Variants in GSTA5 observed in about 807,000 individuals in gnomAD.
The protein encoded by GSTA5 is glutathione S-transferase alpha 5, also known as glutathione S-transferase A5.
GSTA5 carries 25 observed loss-of-function variants against 21.8 expected under a neutral mutation model. The ratio of observed to expected loss-of-function variants is 1.14; its 90% CI spans 0.83 to 1.60. The LOEUF is 1.60. Among genes scored for constraint, GSTA5 ranks in the 40% most tolerant of loss-of-function variants. GSTA5 has a pLI of 0.00. For missense variants in GSTA5, 330 were observed against 259.2 expected, an observed-to-expected ratio of 1.27 and a Z score of -1.88; for synonymous variants, 102 against 89.5, an observed-to-expected ratio of 1.14 and a Z score of -0.78.
chr6:52,834,600 T>C (rs1448738797), intron 3 of GSTA5, among the ~76,000 whole-genome samples: 1 of 152,206 alleles, frequency 6.6e-6, no homozygotes, highest in Non-Finnish European at 1.5e-5. Flanking sequence ...GTGGAATCAC[T>C]GCCAATACCC....
At chr6:52,844,074 G>A (rs576884937), upstream of GSTA5, among the ~76,000 whole-genome samples, 5 of 152,106 alleles carry the variant, frequency 3.3e-5, no homozygotes, top group East Asian at 1.9e-4. Context: ...TCTAGGGAGT[G>A]TGTCTACCTT....
chr6:52,840,174 A>G (rs1297320732), intron 1 of GSTA5, among the ~76,000 whole-genome samples: 1 of 152,248 alleles, frequency 6.6e-6, no homozygotes, highest in African/African-American at 2.4e-5. Flanking sequence ...ATAAAAATAA[A>G]CAGAAAAGCA....
chr6:52,839,658 C>T (rs1159104737), intron 1 of GSTA5, among the ~76,000 whole-genome samples: 1 of 152,214 alleles, frequency 6.6e-6, no homozygotes, highest in African/African-American at 2.4e-5. Context: ...GGGACAAGAT[C>T]TCCTGAGTTT....
chr6:52,832,086 A>C, intron 5 of GSTA5, 116 bp from the exon 6 acceptor site: 8 of 1,386,096 alleles, frequency 5.8e-6, no homozygotes, highest in Middle Eastern at 2.6e-4. Context: ...CTCCATGAGT[A>C]CCAGCATGGA....
At chr6:52,843,999 G>A (rs4715354), upstream of GSTA5, among the ~76,000 whole-genome samples, 62,107 of 146,544 alleles carry the variant, frequency 0.42, 14,975 homozygotes, top group East Asian at 0.71. Flanking sequence ...AACACAAAAT[G>A]AGAACCTGAG....
chr6:52,844,219 C>G (rs1764423394), upstream of GSTA5, among the ~76,000 whole-genome samples: 1 of 152,170 alleles, frequency 6.6e-6, no homozygotes, highest in Admixed American at 6.6e-5. Context: ...ATTGCAGGAC[C>G]AGAGCTTTTC....
At chr6:52,836,906 TC>T (rs1764301543) in intron 2 of GSTA5, among the ~76,000 whole-genome samples, 1 of 152,194 alleles carries the variant, frequency 6.6e-6, no homozygotes, top group East Asian at 1.9e-4. Context: ...TGTTTTTATT[TC>T]CCCTCCAGAT....
At chr6:52,835,330 G>A (rs1278853345) in intron 3 of GSTA5, among the ~76,000 whole-genome samples, 1 of 152,116 alleles carries the variant, frequency 6.6e-6, no homozygotes, top group Non-Finnish European at 1.5e-5. Flanking sequence ...TAACCATCTT[G>A]TAGCATGCAT....
At chr6:52,842,279 T>C (rs1476942017), upstream of GSTA5, among the ~76,000 whole-genome samples, 3 of 152,310 alleles carry the variant, frequency 2.0e-5, no homozygotes, top group East Asian at 5.8e-4. Flanking sequence ...TGCCAGGACT[T>C]AGGAACAGTT....
intron 5 of GSTA5, among the ~76,000 whole-genome samples, chr6:52,832,655 T>G (rs1282197883): frequency 1.3e-5 from 2 of 152,120 alleles, no homozygotes; most frequent in Non-Finnish European, 2.9e-5. Context: ...TCTTCATGGG[T>G]TAGCATGCAC....
At chr6:52,835,661 G>A (rs1764281908) in intron 3 of GSTA5, among the ~76,000 whole-genome samples, 1 of 152,196 alleles carries the variant, frequency 6.6e-6, no homozygotes, top group Non-Finnish European at 1.5e-5. Context: ...CCTTGGCTTT[G>A]TTGGTATTGA....
intron 3 of GSTA5, 84 bp downstream of exon 3, chr6:52,836,132 GCCTGCTGCTGGTCATGATGC>G: frequency 7.7e-7 from 1 of 1,302,422 alleles, no homozygotes; most frequent in Non-Finnish European, 1.1e-6. Context: ...TCAAGACCCA[GCCTGCTGCTGGTCATGATGC>G]CCTGCCATGG....
At chr6:52,836,533 A>G (rs886267331) in intron 2 of GSTA5, among the ~76,000 whole-genome samples, 165 bp from the exon 3 acceptor site, 15 of 152,176 alleles carry the variant, frequency 9.9e-5, no homozygotes, top group African/African-American at 3.6e-4. Context: ...GTTTTTTGAG[A>G]CAGAGTCTCA....
chr6:52,837,263 T>A (rs899559121), intron 2 of GSTA5, among the ~76,000 whole-genome samples: 6 of 152,168 alleles, frequency 3.9e-5, no homozygotes, highest in Admixed American at 3.9e-4. Context: ...TGGGATCCTG[T>A]GCTGATAACC....
upstream of GSTA5, among the ~76,000 whole-genome samples, chr6:52,841,426 C>T (rs1404359364): frequency 6.6e-6 from 1 of 152,206 alleles, no homozygotes; most frequent in Non-Finnish European, 1.5e-5. Context: ...GGAGGACCGG[C>T]AGGGAGCTAA....
intron 1 of GSTA5, among the ~76,000 whole-genome samples, chr6:52,838,505 A>C (rs971108824): frequency 6.6e-6 from 1 of 152,270 alleles, no homozygotes; most frequent in Non-Finnish European, 1.5e-5. Context: ...ATCTACATCC[A>C]GTAACTTAAA....
intron 2 of GSTA5, among the ~76,000 whole-genome samples, 192 bp from the exon 3 acceptor site, chr6:52,836,560 G>A (rs1764297486): frequency 1.3e-5 from 2 of 152,204 alleles, no homozygotes; most frequent in African/African-American, 4.8e-5. Flanking sequence ...CACCCAGGCT[G>A]GAGTGCAGTG....
In GSTA5 at chr6:52,837,553, C is replaced by T. The variant is rs1764310340; in HGVS notation, c.139+5G>A. Reference sequence around the variant, plus strand: ...TCATCAGAGTTACTTAGAGATTGATCTTACCATTTCTTAACTTGTCCAAAT... The same window carrying T: ...TCATCAGAGTTACTTAGAGATTGATTTTACCATTTCTTAACTTGTCCAAAT... On this transcript the variant is annotated splice_donor_5th_base_variant and intron_variant, in intron 2 of 5. Transcript: ENST00000370989. 3 of 1,590,576 alleles carry T rather than the reference C, an allele frequency of 1.9e-6. No individual in the cohort carries two copies. The highest frequency in any genetic ancestry group is 1.1e-5 in the South Asian group (1 of 90,476).
chr6:52,842,684 C>T (rs532695735), upstream of GSTA5, among the ~76,000 whole-genome samples: 11 of 152,220 alleles, frequency 7.2e-5, no homozygotes, highest in South Asian at 1.9e-3. Flanking sequence ...GAATTACAGG[C>T]GTGAGCCACT....
Sources: gnomAD v4.1 joint callset for allele counts (sites outside exome capture counted in the v4.1 genomes callset) on GRCh38, gnomAD v4.1.1 for gene constraint, MANE v1.5 for transcripts, NCBI Gene and HGNC (gene_info 2026-07-23, HGNC 2026-07-21) for gene names.